Variants in PRPF4 observed in about 807,000 individuals in gnomAD.
PRPF4 encodes pre-mRNA splicing tri-snRNP complex factor PRPF4.
PRPF4 carries 14 observed loss-of-function variants against 72.2 expected under a neutral mutation model. The ratio of observed to expected loss-of-function variants is 0.19; its 90% CI spans 0.13 to 0.30. The LOEUF (loss-of-function observed/expected upper bound fraction) is 0.30. Among genes scored for constraint, PRPF4 ranks in the 10% least tolerant of loss-of-function variants. PRPF4 has a pLI of 1.00. For synonymous variants in PRPF4, 225 were observed against 232.2 expected (o/e 0.97, Z 0.28); for missense variants, 478 against 653.9 (o/e 0.73, Z 2.93).
At chr9:113,288,500 G>A (rs912083780) in intron 10 of PRPF4, among the ~76,000 whole-genome samples, 1 of 151,302 alleles carries the variant, frequency 6.6e-6, no homozygotes, top group Non-Finnish European at 1.5e-5. Context: ...GCAGTGGCGC[G>A]ATCTCGGCTC....
intron 2 of PRPF4, among the ~76,000 whole-genome samples, chr9:113,277,628 C>T (rs113702392): frequency 0.15 from 23,326 of 152,072 alleles, 2,305 homozygotes; most frequent in Non-Finnish European, 0.22. Context: ...TCAAATGATC[C>T]GCCCACCTCG....
chr9:113,276,288 A>G (rs1013324672), intron 1 of PRPF4, among the ~76,000 whole-genome samples: 4 of 152,234 alleles, frequency 2.6e-5, no homozygotes, highest in Admixed American at 6.5e-5. Flanking sequence ...CAGATTTCAG[A>G]GCAAACCTTT....
intron 7 of PRPF4, among the ~76,000 whole-genome samples, chr9:113,285,578 C>T (rs1832419427): frequency 6.6e-6 from 1 of 151,312 alleles, no homozygotes; most frequent in South Asian, 2.1e-4. Context: ...CAGGGTTTCA[C>T]CGTGTTAGCC....
intron 2 of PRPF4, 141 bp from the exon 3 acceptor site, chr9:113,278,804 A>C: frequency 1.2e-6 from 1 of 861,684 alleles, no homozygotes; most frequent in Non-Finnish European, 1.7e-6. Flanking sequence ...GCATAATTTA[A>C]TAAACTGAAA....
rs1171620878 is a variant in PRPF4 at position 113,275,786 on chromosome 9, T to C, written c.27+16T>C. On this transcript the variant is annotated intron_variant, in intron 1 of 13. Transcript: ENST00000374198. ...CTCTTCCACGGTACAGAGCCCGGGA[T>C]CCCAGCTCACTCTGGCAGGGAGCGC... is the stretch of plus-strand genomic sequence containing the variant. 1 of 1,610,756 alleles carries C rather than the reference T, an allele frequency of 6.2e-7. No individual in the cohort carries two copies. The highest frequency in any genetic ancestry group is 1.3e-5 in the African/African-American group (1 of 74,616).
intron 1 of PRPF4, 148 bp downstream of exon 1, chr9:113,275,918 A>C: frequency 1.8e-6 from 2 of 1,093,192 alleles, no homozygotes; most frequent in Non-Finnish European, 2.5e-6. Context: ...TACACAGCGG[A>C]CCACCGTTTT....
intron 2 of PRPF4, among the ~76,000 whole-genome samples, chr9:113,277,056 G>A (rs1046021937): frequency 2.6e-5 from 4 of 151,922 alleles, no homozygotes; most frequent in Non-Finnish European, 4.4e-5. Flanking sequence ...CTTGTGATCC[G>A]CCCGCCTCGT....
intron 3 of PRPF4, among the ~76,000 whole-genome samples, 178 bp downstream of exon 3, chr9:113,279,309 T>C (rs972713393): frequency 1.3e-5 from 2 of 151,960 alleles, no homozygotes; most frequent in Non-Finnish European, 2.9e-5. Context: ...ACCGCACTAT[T>C]AATGTTTCTT....
At chr9:113,286,165 T>C in intron 7 of PRPF4, 67 bp from the exon 8 acceptor site, 1 of 1,538,222 alleles carries the variant, frequency 6.5e-7, no homozygotes, top group South Asian at 1.1e-5. Context: ...CCTTTAGTAA[T>C]ATTACCAAGG....
intron 8 of PRPF4, among the ~76,000 whole-genome samples, 188 bp downstream of exon 8, chr9:113,286,478 G>A (rs180831857): frequency 1.3e-5 from 2 of 152,294 alleles, no homozygotes; most frequent in South Asian, 4.1e-4. Context: ...CTCATGTGCA[G>A]TCACACTCTG....
At chr9:113,285,964 C>T (rs1425656871) in intron 7 of PRPF4, among the ~76,000 whole-genome samples, 1 of 152,060 alleles carries the variant, frequency 6.6e-6, no homozygotes, top group Admixed American at 6.6e-5. Context: ...TTAATTTGCC[C>T]CACCTTCCCT....
chr9:113,283,945 A>G (rs908738359), intron 6 of PRPF4, among the ~76,000 whole-genome samples: 1 of 151,888 alleles, frequency 6.6e-6, no homozygotes, highest in Admixed American at 6.6e-5. Context: ...GCATGTGCCT[A>G]TAATCCCAGG....
At chr9:113,276,830 T>C in intron 2 of PRPF4, 105 bp downstream of exon 2, 2 of 1,364,718 alleles carry the variant, frequency 1.5e-6, no homozygotes, top group Non-Finnish European at 2.0e-6. Context: ...AATTTTTTTT[T>C]TTTTAAACAG....
chr9:113,289,146 C>G (rs370634639), intron 10 of PRPF4, among the ~76,000 whole-genome samples: 62 of 152,310 alleles, frequency 4.1e-4, no homozygotes, highest in African/African-American at 1.4e-3. Flanking sequence ...CTTCTTTCAG[C>G]ATAACATTGT....
chr9:113,275,869 G>A, intron 1 of PRPF4, 99 bp downstream of exon 1: 3 of 1,491,218 alleles, frequency 2.0e-6, no homozygotes. Context: ...GAAGGCGGTG[G>A]AGGGCTGAGG....
At position 113,281,806 on chromosome 9, in the gene PRPF4, C is replaced by CT. The variant is rs139543768; in HGVS notation, c.393-839dup. ...TTTTAATGAAGCCTTCCCTGATCCT[C>CT]TAAGCTTAGTTAGATGCCCGTTACA... On this transcript the variant is annotated intron_variant, in intron 3 of 13. Transcript: ENST00000374198. Among the ~76,000 whole-genome samples, 1,317 of 152,204 alleles carry CT rather than the reference C, an allele frequency of 8.7e-3. 22 individuals are homozygous for CT. The highest frequency in any genetic ancestry group is 0.03 in the African/African-American group (1,233 of 41,516).
chr9:113,275,920 C>T, intron 1 of PRPF4, 150 bp downstream of exon 1: 1 of 1,049,746 alleles, frequency 9.5e-7, no homozygotes, highest in South Asian at 1.7e-5. Context: ...CACAGCGGAC[C>T]ACCGTTTTCC....
In PRPF4 at chr9:113,292,213, C is replaced by CA. The variant is rs879861650; in HGVS notation, c.*567dup. The CA allele has an allele frequency of 5.3e-4, 74 of 140,234 alleles. No homozygotes were observed. The highest frequency in any genetic ancestry group is 5.9e-4 in the Non-Finnish European group (38 of 64,110). 8.7% of individuals were successfully genotyped at this position (140,234 alleles called of 1,614,324 possible). ...TGTGTGACAGAGCAAGACCCTGTCTCAAAAAAAAAAAAAATTTGTTCGAAT... is the reference window on the plus strand; with the variant it reads ...TGTGTGACAGAGCAAGACCCTGTCTCAAAAAAAAAAAAAAATTTGTTCGAAT... On this transcript the variant is annotated 3_prime_UTR_variant, in exon 14 of 14. Coordinates refer to ENST00000374198, the MANE Select transcript of PRPF4 (RefSeq NM_001244926.2).
chr9:113,290,207 G>A (rs1413630075), intron 10 of PRPF4, among the ~76,000 whole-genome samples: 6 of 151,272 alleles, frequency 4.0e-5, no homozygotes, highest in Non-Finnish European at 8.8e-5. Context: ...GCAACAGAGT[G>A]AGACTCTGTC....
Sources: gnomAD v4.1 joint callset for allele counts (sites outside exome capture counted in the v4.1 genomes callset) on GRCh38, gnomAD v4.1.1 for gene constraint, MANE v1.5 for transcripts, NCBI Gene and HGNC (gene_info 2026-07-23, HGNC 2026-07-21) for gene names.